TMEM25: variants seen among roughly 807,000 people sequenced by gnomAD.
TMEM25 encodes the protein 0610039J01Rik.
Under a neutral mutation model 37.0 loss-of-function variants are expected in TMEM25, and 36 were observed. The observed-to-expected ratio is 0.97, with a 90% confidence interval of 0.75 to 1.28. The LOEUF is 1.28. TMEM25 is among the 50% of genes most tolerant of loss of function. The pLI, the probability that TMEM25 is intolerant of heterozygous loss-of-function variation, is 0.00. For synonymous variants in TMEM25, 197 were observed against 203.7 expected (o/e 0.97, Z 0.28); for missense variants, 444 against 477.9 (o/e 0.93, Z 0.66).
Position 118,535,426 on chromosome 11 carries a change from T to C in TMEM25, c.*846T>C, listed in dbSNP as rs1262623265. 6.8e-7 allele frequency: 1 copy of C among 1,469,482 alleles called. No individual in the cohort carries two copies. The highest frequency in any genetic ancestry group is 2.5e-5 in the East Asian group (1 of 39,622). 91.0% of individuals were successfully genotyped at this position (1,469,482 alleles called of 1,614,324 possible). On this transcript the variant is annotated 3_prime_UTR_variant, in exon 9 of 9. Transcript: ENST00000313236. ...GGGGTGAGTGAGGGGCCCAGAGCCC[T>C]CTTTGTGGCTTCCCCACGTTTGGCC... is the stretch of plus-strand genomic sequence containing the variant.
In TMEM25 at chr11:118,534,334, G is replaced by A. The variant is rs782565002; in HGVS notation, c.1006G>A (p.Gly336Ser). Residue 336 changes from glycine (G) to serine (S), a missense_variant, in exon 8 of 9, where the codon GGC becomes AGC. Coordinates refer to ENST00000313236, the MANE Select transcript of TMEM25 (RefSeq NM_032780.4). This position sits in a 1 kb window ranked among gnomAD's most constrained non-coding sequence, Gnocchi z 4.6. ...GCCAGAGCTTCTGGACCCGGAGCCC[G>A]GCGGCCTCCTCACCAGCCAAGGTAC... ...SRPELLDPEP[G>S]GLLTSQGFIR... 1.7e-5 allele frequency: 27 copies of A among 1,613,854 alleles called. No homozygotes were observed. The highest frequency in any genetic ancestry group is 4.5e-5 in the East Asian group (2 of 44,888).
chr11:118,541,580 T>A (rs565279137), intron 8 of TMEM25, among the ~76,000 whole-genome samples: 55 of 152,182 alleles, frequency 3.6e-4, no homozygotes, highest in African/African-American at 9.9e-4. Context: ...ACAAATTTTT[T>A]AAAAAAAATT....
In TMEM25 at chr11:118,535,266, C is replaced by A; in HGVS notation, c.*686C>A. On this transcript the variant is annotated 3_prime_UTR_variant, in exon 9 of 9. Transcript: ENST00000313236. ...ACTGGGCACTAGACTTTTCTATTGG[C>A]CTGTGCCATCGCCCAGTATTAGCAC... The A allele has an allele frequency of 8.1e-7, 1 of 1,230,136 alleles. No individual in the cohort carries two copies. Among genetic ancestry groups the A allele is most frequent in the South Asian group, 2.9e-5 (1 of 34,034 alleles). The allele number at this position is 1,230,136 out of a possible 1,614,324, so 76.2% of individuals were successfully genotyped here. A position where few individuals can be genotyped will look rare whatever the true frequency, so the allele number is the denominator to read the frequency against.
At chr11:118,540,069 GC>G (rs1454394949), downstream of TMEM25, among the ~76,000 whole-genome samples, 1 of 150,926 alleles carries the variant, frequency 6.6e-6, no homozygotes, top group Non-Finnish European at 1.5e-5. Flanking sequence ...GGTGGGAAAA[GC>G]CTAGAAATGG....
At chr11:118,545,047 G>T in intron 8 of TMEM25, 1 of 1,362,712 alleles carries the variant, frequency 7.3e-7, no homozygotes, top group East Asian at 2.3e-5. Flanking sequence ...TGAGTATTAG[G>T]GATATGCTAA....
rs1951228624 is a variant in TMEM25, at chr11:118,531,209, C to T, written c.-53C>T. The stretch of plus-strand genomic sequence containing the variant: ...TGCTCATCAGACCTGAGCAGTTGCT[C>T]CGGCGGCGCTCGGGGAGGGAGCCAG... On this transcript the variant is annotated 5_prime_UTR_variant, in exon 1 of 9. Coordinates refer to ENST00000313236, the MANE Select transcript of TMEM25 (RefSeq NM_032780.4). The T allele has an allele frequency of 4.2e-6, 2 of 476,034 alleles. No homozygotes were observed. Among genetic ancestry groups the T allele is most frequent in the Non-Finnish European group, 3.7e-6 (1 of 267,336 alleles). 29.5% of individuals were successfully genotyped at this position (476,034 alleles called of 1,614,324 possible).
chr11:118,536,255 G>A (rs1225554290), downstream of TMEM25, among the ~76,000 whole-genome samples: 5 of 151,156 alleles, frequency 3.3e-5, no homozygotes, highest in African/African-American at 7.3e-5. Context: ...GTGCAATGGC[G>A]TGATCTCGGC....
At chr11:118,541,964 C>T (rs1175440106) in intron 8 of TMEM25, among the ~76,000 whole-genome samples, 1 of 152,142 alleles carries the variant, frequency 6.6e-6, no homozygotes, top group Non-Finnish European at 1.5e-5. Context: ...ACTTCGTTCC[C>T]CGGCTGGTCT....
chr11:118,532,357 C>T lies in TMEM25; in HGVS notation c.278C>T (p.Thr93Ile), dbSNP rs201041295. Residue 93 changes from threonine (T) to isoleucine (I), a missense_variant, in exon 3 of 9, where the codon ACC (threonine) becomes ATC (isoleucine). Transcript: ENST00000313236. ...GGEAFSGGTSTFTVTAHRAQH... is the reference protein window; with the variant it reads ...GGEAFSGGTSIFTVTAHRAQH... The stretch of plus-strand genomic sequence containing the variant: ...GAGGCCTTCTCTGGAGGCACCAGCA[C>T]CTTCACTGTCACTGCCCATCGGGCC... 1.3e-4 allele frequency: 214 copies of T among 1,614,096 alleles called. 7 individuals are homozygous for T. In the Middle Eastern group the frequency reaches 5.6e-3, roughly 42 times the overall value.
Position 118,532,863 on chromosome 11 carries a change from G to A in TMEM25, c.383-54G>A, listed in dbSNP as rs958396200. ...TCCCATCTGGGTTTGGGAAGAAAGG[G>A]CTAGAAGTATGAGGGGCTGTGGTGA... On this transcript the variant is annotated intron_variant, in intron 3 of 8. Transcript: ENST00000313236. 1.0e-5 allele frequency: 16 copies of A among 1,564,386 alleles called. No individual in the cohort carries two copies. The African/African-American group carries it at 2.0e-4, about 20-fold the overall frequency.
At position 118,533,885 on chromosome 11, in the gene TMEM25, A is replaced by G. The variant is rs1555061374; in HGVS notation, c.834A>G (p.Ser278=). 6.2e-7 allele frequency: 1 copy of G among 1,612,670 alleles called. No homozygotes were observed. The change falls in exon 6 of 9, where the codon TCA becomes TCG. Residue 278 remains serine, a splice_region_variant and synonymous_variant. Coordinates refer to ENST00000313236, the MANE Select transcript of TMEM25 (RefSeq NM_032780.4). ...KGPSRHPSLI[S]SDSNNLKLNN... is the part of the protein sequence containing the mutation. ...CCTCCCGGCACCCATCTCTGATATC[A>G]AGGTAACTCTTCCTTGGGCTGGGTG...
At chr11:118,531,981 C>A in intron 2 of TMEM25, 110 bp downstream of exon 2, 1 of 1,392,578 alleles carries the variant, frequency 7.2e-7, no homozygotes. Context: ...GCCCTGGAGT[C>A]CCTGTCCCCT....
rs989872254 is a variant in TMEM25, at chr11:118,534,396, C to T, written c.1027+41C>T. The T allele has an allele frequency of 1.2e-6, 2 of 1,611,288 alleles. No homozygotes were observed. The highest frequency in any genetic ancestry group is 1.3e-5 in the African/African-American group (1 of 75,012). On this transcript the variant is annotated intron_variant, in intron 8 of 8. Coordinates refer to ENST00000313236, the MANE Select transcript of TMEM25 (RefSeq NM_032780.4). The surrounding 1 kb of genome is among the most constrained non-coding windows in gnomAD (Gnocchi z 4.6). ...CCTGCCACCCTCCTCCTCTGCCCCC[C>T]AGCCCTGTGCTTATGCCAGAGGCCT...
rs368395608 is a variant in TMEM25 at position 118,532,323 on chromosome 11, G to A, written c.244G>A (p.Val82Met). The A allele has an allele frequency of 8.7e-5, 141 of 1,614,102 alleles. No individual in the cohort carries two copies. The highest frequency in any genetic ancestry group is 1.3e-4 in the East Asian group (6 of 44,900). Reference sequence around the variant, plus strand: ...GGCCAGCACCTCAAGACTGCTGAGCGTGGGAGGGGAGGCCTTCTCTGGAGG... The same window carrying A: ...GGCCAGCACCTCAAGACTGCTGAGCATGGGAGGGGAGGCCTTCTCTGGAGG... ...QEASTSRLLS[V>M]GGEAFSGGTS... is the part of the protein sequence containing the mutation. Residue 82 changes from valine to methionine, a missense_variant, in exon 3 of 9, where the codon GTG (valine) becomes ATG (methionine). By Grantham distance (21) the Val-to-Met change is conservative (BLOSUM62 1). Coordinates refer to ENST00000313236, the MANE Select transcript of TMEM25 (RefSeq NM_032780.4).
At chr11:118,545,911 ACT>A (rs538187192) in intron 8 of TMEM25, 263 of 1,439,496 alleles carry the variant, frequency 1.8e-4, no homozygotes, top group Non-Finnish European at 2.3e-4. Flanking sequence ...TCCCAGAACC[ACT>A]CTCTCTCTCT....
downstream of TMEM25, among the ~76,000 whole-genome samples, chr11:118,538,041 C>A (rs1565338634): frequency 2.0e-5 from 3 of 152,084 alleles, no homozygotes; most frequent in African/African-American, 4.8e-5. Context: ...CAGAGTGAGA[C>A]CCTGTCTCCA....
chr11:118,544,212 G>A (rs1015059914), intron 8 of TMEM25, among the ~76,000 whole-genome samples: 13 of 152,218 alleles, frequency 8.5e-5, no homozygotes, highest in African/African-American at 3.1e-4. Context: ...CTCTACTACT[G>A]CCACCCCAAT....
Position 118,533,202 on chromosome 11 carries a change from C to T in TMEM25, c.668C>T (p.Ala223Val), listed in dbSNP as rs563968277. The T allele has an allele frequency of 1.2e-5, 19 of 1,591,302 alleles. No individual in the cohort carries two copies. In the African/African-American group the frequency reaches 2.5e-4, roughly 21 times the overall value. The change falls in exon 4 of 9, where the codon GCC becomes GTC. Residue 223 changes from alanine to valine, a missense_variant. Coordinates refer to ENST00000313236, the MANE Select transcript of TMEM25 (RefSeq NM_032780.4). ...GGTGTCACCAGTGCGTCGCTTCCAG[C>T]CCCAGGTGAGCATGGCCAGCAAGCG... Reference protein sequence around the residue: ...DVGVTSASLPAPGLLATRVEV... With the variant: ...DVGVTSASLPVPGLLATRVEV...
chr11:118,538,330 G>C (rs986351249), downstream of TMEM25, among the ~76,000 whole-genome samples: 6 of 149,112 alleles, frequency 4.0e-5, no homozygotes, highest in African/African-American at 1.5e-4. Context: ...CACCACGCCT[G>C]GCTAATTTTT....
Sources: gnomAD v4.1 joint callset for allele counts (sites outside exome capture counted in the v4.1 genomes callset) on GRCh38, gnomAD v4.1.1 for gene constraint, Gnocchi (gnomAD v3.1) non-coding constraint, MANE v1.5 for transcripts, NCBI Gene and HGNC (gene_info 2026-07-23, HGNC 2026-07-21) for gene names.